Variants in DNAAF11 observed in about 807,000 individuals in gnomAD.
DNAAF11 encodes the protein leucine rich repeat containing 6.
Under a neutral mutation model 60.8 loss-of-function variants are expected in DNAAF11, and 45 were observed. That is an observed-to-expected ratio of 0.74 (90% CI 0.58 to 0.95). The LOEUF is 0.95. Ranked by LOEUF, DNAAF11 falls within the 40% of genes least tolerant of loss-of-function variation. DNAAF11 has a pLI of 0.00. For synonymous variants in DNAAF11, 191 were observed against 183.5 expected, an observed-to-expected ratio of 1.04 and a Z score of -0.33; for missense variants, 546 against 546.2, an observed-to-expected ratio of 1.00 and a Z score of 0.00.
chr8:132,692,720 C>A, the DNAAF11 span, among the ~76,000 whole-genome samples: 421 of 152,294 alleles, frequency 2.8e-3, 3 homozygotes, highest in Middle Eastern at 0.01. Flanking sequence ...GACCCTCTCC[C>A]AATTCCCAGC....
intron 1 of DNAAF11, among the ~76,000 whole-genome samples, chr8:132,664,271 A>G (rs1824411446): frequency 6.6e-6 from 1 of 152,190 alleles, no homozygotes; most frequent in Non-Finnish European, 1.5e-5. Flanking sequence ...AATCTTAAGC[A>G]TCACTTGGTC....
At chr8:132,602,768 T>TATATATATAC (rs1491214082) in intron 10 of DNAAF11, among the ~76,000 whole-genome samples, 21 of 146,722 alleles carry the variant, frequency 1.4e-4, no homozygotes, top group African/African-American at 5.4e-4. Context: ...TATATATATA[T>TATATATATAC]ACACACAGCA....
intron 11 of DNAAF11, among the ~76,000 whole-genome samples, chr8:132,583,446 G>A (rs1197661433): frequency 2.0e-5 from 3 of 152,108 alleles, no homozygotes; most frequent in African/African-American, 7.2e-5. Context: ...GCTGTCATTG[G>A]TGTTGACATT....
At chr8:132,622,718 G>C (rs1236217178) in intron 6 of DNAAF11, 30 bp from the exon 7 acceptor site, 1 of 1,435,922 alleles carries the variant, frequency 7.0e-7, no homozygotes, top group Non-Finnish European at 9.7e-7. Context: ...GAGAACAATG[G>C]GCAGCATGGA....
At chr8:132,585,158 T>C (rs1307670745) in intron 10 of DNAAF11, among the ~76,000 whole-genome samples, 1 of 152,154 alleles carries the variant, frequency 6.6e-6, no homozygotes, top group Admixed American at 6.6e-5. Context: ...TGATTCCCCA[T>C]CTGAGACCCC....
intron 3 of DNAAF11, among the ~76,000 whole-genome samples, chr8:132,642,946 G>A (rs1209022646): frequency 5.9e-5 from 9 of 152,276 alleles, no homozygotes; most frequent in South Asian, 2.1e-4. Flanking sequence ...ATTTTTCCAC[G>A]GACGGTGGGG....
In DNAAF11 at chr8:132,571,670, T is replaced by C. The variant is rs952044495; in HGVS notation, c.*636A>G. Reference sequence around the variant, plus strand: ...ACACTGTACTAAGTGCTTTCTGCAGTTTATCTTGAGACAAACCTGTGAGGC... The same window carrying C: ...ACACTGTACTAAGTGCTTTCTGCAGCTTATCTTGAGACAAACCTGTGAGGC... On this transcript the variant is annotated 3_prime_UTR_variant, in exon 12 of 12. Coordinates refer to ENST00000620350, the MANE Select transcript of DNAAF11 (RefSeq NM_012472.6). Among the ~76,000 whole-genome samples the C allele has an allele frequency of 3.3e-5, 5 of 152,084 alleles. No individual in the cohort carries two copies. The highest frequency in any genetic ancestry group is 1.2e-4 in the African/African-American group (5 of 41,394).
chr8:132,600,312 AG>A (rs1489071218), intron 10 of DNAAF11, among the ~76,000 whole-genome samples: 2 of 152,224 alleles, frequency 1.3e-5, no homozygotes, highest in African/African-American at 2.4e-5. Flanking sequence ...GCTCATGGAT[AG>A]GAAGAATCAA....
intron 1 of DNAAF11, 98 bp downstream of exon 1, chr8:132,675,386 G>T: frequency 2.2e-6 from 3 of 1,365,582 alleles, no homozygotes; most frequent in South Asian, 2.8e-5. Flanking sequence ...CGGGGGAACC[G>T]ACAGCGCAGG....
the DNAAF11 span, among the ~76,000 whole-genome samples, chr8:132,685,508 A>G: frequency 6.6e-6 from 1 of 152,090 alleles, no homozygotes; most frequent in Admixed American, 6.6e-5. Context: ...GTCTTCTTTG[A>G]TTTGAGTTTT....
At chr8:132,700,555 G>T in the DNAAF11 span, among the ~76,000 whole-genome samples, 2 of 152,100 alleles carry the variant, frequency 1.3e-5, no homozygotes, top group East Asian at 1.9e-4. Context: ...AGATGCAGTG[G>T]TGTATACCTG....
At chr8:132,654,750 C>T (rs1385882056) in intron 3 of DNAAF11, among the ~76,000 whole-genome samples, 3 of 147,016 alleles carry the variant, frequency 2.0e-5, no homozygotes, top group Admixed American at 1.3e-4. Flanking sequence ...AAAAGCACAA[C>T]ATATCAAAAC....
In DNAAF11 at chr8:132,581,106, A is replaced by AAATT. The variant is rs372118552; in HGVS notation, c.1226+2584_1226+2587dup. On this transcript the variant is annotated intron_variant, in intron 11 of 11. Coordinates refer to ENST00000620350, the MANE Select transcript of DNAAF11 (RefSeq NM_012472.6). ...GACAGTAGGGTGCCCACAATGGGAC[A>AAATT]AATTAAATTGTCATACTTTAAACAA... Among the ~76,000 whole-genome samples, 606 of 152,334 alleles carry AAATT rather than the reference A, an allele frequency of 4.0e-3. 11 individuals carry two copies. Among genetic ancestry groups the AAATT allele is most frequent in the African/African-American group, 0.014 (585 of 41,570 alleles).
In DNAAF11 at chr8:132,673,979, C is replaced by G. The variant is rs111260305; in HGVS notation, c.10+1505G>C. ...AGAGAAAGAGGGCAAAGGAAAATTC[C>G]CGACATAAAAAAGCGAAGAAGAAGG... On this transcript the variant is annotated intron_variant, in intron 1 of 11. Transcript: ENST00000620350. Among the ~76,000 whole-genome samples the G allele has an allele frequency of 5.2e-3, 790 of 151,638 alleles. 5 individuals carry two copies. The highest frequency in any genetic ancestry group is 0.018 in the African/African-American group (754 of 41,264).
At chr8:132,643,620 G>A in intron 3 of DNAAF11, 1 of 456,112 alleles carries the variant, frequency 2.2e-6, no homozygotes, top group Non-Finnish European at 4.4e-6. Context: ...AGAAAATTGA[G>A]AACCTTGCAG....
intron 1 of DNAAF11, among the ~76,000 whole-genome samples, chr8:132,674,019 GAGA>G (rs1361024115): frequency 6.6e-6 from 1 of 151,858 alleles, no homozygotes; most frequent in Non-Finnish European, 1.5e-5. Context: ...GGAGAAGGAG[GAGA>G]AGGAGCAGGA....
chr8:132,579,202 C>G lies in DNAAF11; in HGVS notation c.1226+4492G>C, dbSNP rs10956673. On this transcript the variant is annotated intron_variant, in intron 11 of 11. Transcript: ENST00000620350. ...TACCTCCCAGGCCTCTAAGGAACCA[C>G]CAGAATATTTTCCTAGGCAGTGGAG... is the stretch of plus-strand genomic sequence containing the variant. Among the ~76,000 whole-genome samples the G allele has an allele frequency of 5.9e-5, 9 of 152,292 alleles. No homozygotes were observed. The East Asian group carries it at 1.4e-3, about 23-fold the overall frequency.
intron 11 of DNAAF11, among the ~76,000 whole-genome samples, chr8:132,578,094 T>A (rs952321901): frequency 2.0e-5 from 3 of 152,118 alleles, no homozygotes; most frequent in African/African-American, 7.2e-5. Flanking sequence ...GCTATGATAT[T>A]TGTGTTTTAA....
rs1819025736 is a variant in DNAAF11 at position 132,615,194 on chromosome 8, TATA to T, written c.915-100_915-98del. The T allele has an allele frequency of 9.7e-6, 6 of 620,986 alleles. No individual in the cohort carries two copies. The East Asian group carries it at 1.1e-4, about 12-fold the overall frequency. 38.5% of individuals were successfully genotyped at this position (620,986 alleles called of 1,614,324 possible). On this transcript the variant is annotated intron_variant, in intron 7 of 11. Transcript: ENST00000620350. ...TCATAAGCAGATTAGATAATAATTCTATAATAATATCCAAAGACAACTTATTTT... is the reference window on the plus strand; with the variant it reads ...TCATAAGCAGATTAGATAATAATTCTATAATATCCAAAGACAACTTATTTT...
Sources: gnomAD v4.1 joint callset for allele counts (sites outside exome capture counted in the v4.1 genomes callset) on GRCh38, gnomAD v4.1.1 for gene constraint, MANE v1.5 for transcripts, NCBI Gene and HGNC (gene_info 2026-07-23, HGNC 2026-07-21) for gene names.